MMP24: variants seen among roughly 807,000 people sequenced by gnomAD.
MMP24 encodes matrix metalloproteinase-24.
MMP24 carries 25 observed loss-of-function variants against 62.8 expected under a neutral mutation model. The ratio of observed to expected loss-of-function variants is 0.40; its 90% CI spans 0.29 to 0.56. The LOEUF (loss-of-function observed/expected upper bound fraction) is 0.56, where lower values mean the gene tolerates loss of function less well. Ranked by LOEUF, MMP24 falls within the 20% of genes least tolerant of loss-of-function variation. The pLI, the probability that MMP24 is intolerant of heterozygous loss-of-function variation, is 0.50. For synonymous variants in MMP24, 319 were observed against 350.5 expected, an observed-to-expected ratio of 0.91 and a Z score of 1.00; for missense variants, 634 against 853.6, an observed-to-expected ratio of 0.74 and a Z score of 3.21.
intron 4 of MMP24, among the ~76,000 whole-genome samples, chr20:35,256,839 C>A (rs2060577505): frequency 6.6e-6 from 1 of 151,820 alleles, no homozygotes; most frequent in Admixed American, 6.6e-5. Flanking sequence ...TTCCTGGGGC[C>A]TTCTGATGCA....
chr20:35,252,243 T>G (rs368334212), intron 3 of MMP24, among the ~76,000 whole-genome samples: 1 of 152,220 alleles, frequency 6.6e-6, no homozygotes, highest in Non-Finnish European at 1.5e-5. Context: ...CTCAGGTTTA[T>G]TTGGTCCTCT....
chr20:35,271,639 C>A lies in MMP24; in HGVS notation c.1404C>A (p.Gly468=), dbSNP rs2060670161. 6.2e-7 allele frequency: 1 copy of A among 1,611,102 alleles called. No individual in the cohort carries two copies. The highest frequency in any genetic ancestry group is 2.2e-5 in the East Asian group (1 of 44,796). The change falls in exon 8 of 9, where the codon GGC becomes GGA. Residue 468 remains glycine, a synonymous_variant. Coordinates refer to ENST00000246186, the MANE Select transcript of MMP24 (RefSeq NM_006690.4). The surrounding 1 kb of genome is among the most constrained non-coding windows in gnomAD (Gnocchi z 4.0). ...PGYPHSLGEL[G]SCLPREGIDT... is the part of the protein sequence containing the mutation. ...ACCCCCACAGCCTGGGGGAGCTGGG[C>A]AGCTGTTTGCCCCGTGAAGGCATTG...
chr20:35,246,350 G>A (rs2060514769), intron 1 of MMP24, among the ~76,000 whole-genome samples: 1 of 151,802 alleles, frequency 6.6e-6, no homozygotes, highest in Non-Finnish European at 1.5e-5. Flanking sequence ...GGTGGCGTGT[G>A]CCTGTAATCC....
chr20:35,226,795 G>A lies in MMP24; in HGVS notation c.57G>A (p.Pro19=), dbSNP rs1339798721. ...AAPGPPPPPP[P]PGQAPRWSRW... Reference sequence around the variant, plus strand: ...CGGGGCCGCCGCCGCCGCCGCCGCCGCCGGGCCAGGCCCCGCGCTGGAGCC... The same window carrying A: ...CGGGGCCGCCGCCGCCGCCGCCGCCACCGGGCCAGGCCCCGCGCTGGAGCC... Residue 19 remains proline, a synonymous_variant, in exon 1 of 9, where the codon CCG becomes CCA. Coordinates refer to ENST00000246186, the MANE Select transcript of MMP24 (RefSeq NM_006690.4). 2 of 833,188 alleles carry A rather than the reference G, an allele frequency of 2.4e-6. No individual in the cohort carries two copies. Among genetic ancestry groups the A allele is most frequent in the African/African-American group, 5.9e-5 (1 of 17,066 alleles). The allele number at this position is 833,188 out of a possible 1,614,324, so 51.6% of individuals were successfully genotyped here. A position where few individuals can be genotyped will look rare whatever the true frequency, so the allele number is the denominator to read the frequency against.
chr20:35,265,385 T>C (rs2146234228), intron 5 of MMP24, among the ~76,000 whole-genome samples: 1 of 150,854 alleles, frequency 6.6e-6, no homozygotes, highest in South Asian at 2.1e-4. Context: ...GAGGTTGCAG[T>C]GAGCTGAGAT....
At chr20:35,252,288 T>C (rs1176569250) in intron 3 of MMP24, among the ~76,000 whole-genome samples, 2 of 152,208 alleles carry the variant, frequency 1.3e-5, no homozygotes, top group African/African-American at 4.8e-5. Context: ...TAGATGCCTA[T>C]AGTTTTTAGG....
chr20:35,229,240 C>T (rs2060427821), intron 1 of MMP24, among the ~76,000 whole-genome samples: 1 of 152,148 alleles, frequency 6.6e-6, no homozygotes, highest in South Asian at 2.1e-4. Flanking sequence ...TCTCTTTTGG[C>T]ATAGCATTTC....
chr20:35,272,366 G>A (rs572563387), intron 8 of MMP24, among the ~76,000 whole-genome samples: 3 of 152,144 alleles, frequency 2.0e-5, no homozygotes, highest in African/African-American at 7.2e-5. Flanking sequence ...AGCCTCCCGA[G>A]TAGTTGGGAT....
At chr20:35,233,465 G>C (rs1373146615) in intron 1 of MMP24, among the ~76,000 whole-genome samples, 1 of 151,948 alleles carries the variant, frequency 6.6e-6, no homozygotes, top group African/African-American at 2.4e-5. Flanking sequence ...AAGCCTATAT[G>C]GCAAAAACTA....
chr20:35,269,560 G>A lies in MMP24; in HGVS notation c.1195-200G>A, dbSNP rs1018483246. Among the ~76,000 whole-genome samples the A allele has an allele frequency of 6.6e-6, 1 of 152,100 alleles. No homozygotes were observed. Among genetic ancestry groups the A allele is most frequent in the Non-Finnish European group, 1.5e-5 (1 of 68,030 alleles). ...TGTTTGTCTCATTGTCCACCCAGCA[G>A]CAAGAGTCAGCAGGAGGCTGAATTG... On this transcript the variant is annotated intron_variant, in intron 6 of 8. Transcript: ENST00000246186. The surrounding 1 kb of genome is among the most constrained non-coding windows in gnomAD (Gnocchi z 4.6).
At chr20:35,242,231 C>G (rs1419709285) in intron 1 of MMP24, among the ~76,000 whole-genome samples, 1 of 152,060 alleles carries the variant, frequency 6.6e-6, no homozygotes, top group African/African-American at 2.4e-5. Context: ...ACTTGGGAGG[C>G]TGAGACAGGA....
At chr20:35,264,484 G>T (rs539658144) in intron 5 of MMP24, among the ~76,000 whole-genome samples, 1 of 152,170 alleles carries the variant, frequency 6.6e-6, no homozygotes, top group East Asian at 1.9e-4. Flanking sequence ...TTGAGGTCAG[G>T]AGTTTGAGAC....
Position 35,274,556 on chromosome 20 carries a change from A to T in MMP24, c.1885A>T (p.Thr629Ser), listed in dbSNP as rs1212486884. 1 of 1,613,958 alleles carries T rather than the reference A, an allele frequency of 6.2e-7. No individual in the cohort carries two copies. Residue 629 changes from threonine (T) to serine (S), a missense_variant, in exon 9 of 9, where the codon ACA becomes TCA. Around this residue, in one of 3 missense-constraint regions of MMP24, gnomAD observed 399 missense variants for 530.8 expected, o/e 0.75. Transcript: ENST00000246186. This position sits in a 1 kb window ranked among gnomAD's most constrained non-coding sequence, Gnocchi z 5.1. ...VYTIFQFKNK[T>S]GPQPVTYYKR... ...CACCATCTTCCAGTTCAAGAACAAG[A>T]CAGGCCCTCAGCCTGTCACCTACTA...
At chr20:35,230,648 A>G (rs1485751685) in intron 1 of MMP24, among the ~76,000 whole-genome samples, 1 of 152,202 alleles carries the variant, frequency 6.6e-6, no homozygotes, top group Non-Finnish European at 1.5e-5. Flanking sequence ...CTCTTTAGGT[A>G]GTCTTCTAAT....
chr20:35,236,883 AG>A (rs1351976415), intron 1 of MMP24, among the ~76,000 whole-genome samples: 16 of 151,380 alleles, frequency 1.1e-4, no homozygotes, highest in African/African-American at 3.6e-4. Flanking sequence ...CTGAGGCAGG[AG>A]AATCACTTGA....
intron 2 of MMP24, 131 bp from the exon 3 acceptor site, chr20:35,251,774 C>A: frequency 1.5e-6 from 1 of 678,346 alleles, no homozygotes; most frequent in Middle Eastern, 3.2e-4. Flanking sequence ...TCCATCCAAG[C>A]CAGGGTCCCA....
intron 5 of MMP24, among the ~76,000 whole-genome samples, chr20:35,264,642 A>G (rs1441831013): frequency 7.5e-6 from 1 of 132,776 alleles, no homozygotes; most frequent in Non-Finnish European, 1.6e-5. Flanking sequence ...CAGGAGGCAG[A>G]GGTTGCAGTG....
chr20:35,260,224 C>G (rs535734160), intron 4 of MMP24, among the ~76,000 whole-genome samples: 1 of 152,208 alleles, frequency 6.6e-6, no homozygotes, highest in Non-Finnish European at 1.5e-5. Flanking sequence ...CTGTCTCCCC[C>G]TCAGGGCTCT....
rs930793703 is a variant in MMP24 at position 35,254,556 on chromosome 20, C to T, written c.619C>T (p.Pro207Ser). Residue 207 changes from proline to serine, a missense_variant, in exon 4 of 9, where the codon CCA becomes TCA. Physicochemically the swap from Pro to Ser is moderately conservative, Grantham distance 74. Transcript: ENST00000246186. ...GACCCCACTGACCTTTGAAGAGGTG[C>T]CATACCATGAGATCAAAAGTGACCG... ...KVTPLTFEEV[P>S]YHEIKSDRKE... 43 of 1,613,888 alleles carry T rather than the reference C, an allele frequency of 2.7e-5. No homozygotes were observed. Among genetic ancestry groups the T allele is most frequent in the Non-Finnish European group, 3.6e-5 (42 of 1,179,900 alleles).
Sources: allele counts gnomAD v4.1 joint callset (sites outside exome capture counted in the v4.1 genomes callset), GRCh38; gene constraint gnomAD v4.1.1; regional missense constraint gnomAD v4.1.1; non-coding constraint Gnocchi (gnomAD v3.1); transcripts MANE v1.5; gene names NCBI Gene and HGNC (gene_info 2026-07-23, HGNC 2026-07-21).